The following SAMD4A variants were observed in gnomAD, a reference collection of about 807,000 sequenced individuals.
SAMD4A encodes sterile alpha motif domain containing 4A.
Under a neutral mutation model 81.3 loss-of-function variants are expected in SAMD4A, and 33 were observed. That is an observed-to-expected ratio of 0.41 (90% confidence interval 0.31 to 0.54). The LOEUF is 0.54. Among genes scored for constraint, SAMD4A ranks in the 20% least tolerant of loss-of-function variants. SAMD4A has a pLI of 0.37. For synonymous variants in SAMD4A, 389 were observed against 382.1 expected, an observed-to-expected ratio of 1.02 and a Z score of -0.21; for missense variants, 854 against 951.1, an observed-to-expected ratio of 0.90 and a Z score of 1.34.
At chr14:54,615,459 C>T (rs2034467409) in intron 2 of SAMD4A, among the ~76,000 whole-genome samples, 1 of 152,204 alleles carries the variant, frequency 6.6e-6, no homozygotes, top group Admixed American at 6.5e-5. Flanking sequence ...CAAGTTGCAA[C>T]TCTGAATTAT....
At chr14:54,705,459 G>A (rs1005596303) in intron 3 of SAMD4A, among the ~76,000 whole-genome samples, 13 of 152,156 alleles carry the variant, frequency 8.5e-5, no homozygotes, top group Admixed American at 3.9e-4. Flanking sequence ...AACAATCTGC[G>A]TAAGACAATA....
chr14:54,675,034 T>C (rs2035960570), intron 2 of SAMD4A, among the ~76,000 whole-genome samples: 10 of 152,148 alleles, frequency 6.6e-5, no homozygotes, highest in Admixed American at 4.6e-4. Flanking sequence ...ATTACAGGTG[T>C]GAGCCACTGT....
intron 2 of SAMD4A, among the ~76,000 whole-genome samples, chr14:54,680,064 G>C (rs2036093856): frequency 6.6e-6 from 1 of 152,144 alleles, no homozygotes; most frequent in Non-Finnish European, 1.5e-5. Context: ...TCAGATCATG[G>C]GTGGCTCATG....
chr14:54,738,584 G>T (rs552214463), intron 4 of SAMD4A, among the ~76,000 whole-genome samples: 1 of 152,210 alleles, frequency 6.6e-6, no homozygotes, highest in Non-Finnish European at 1.5e-5. Context: ...GTACGAAGGG[G>T]ATGTATGTCC....
At chr14:54,682,274 C>T (rs192874946) in intron 2 of SAMD4A, among the ~76,000 whole-genome samples, 1 of 152,180 alleles carries the variant, frequency 6.6e-6, no homozygotes, top group Non-Finnish European at 1.5e-5. Flanking sequence ...AGTTCCATGT[C>T]GGCCTCCTGT....
chr14:54,761,386 C>T (rs181587983), intron 7 of SAMD4A, among the ~76,000 whole-genome samples: 14 of 152,272 alleles, frequency 9.2e-5, no homozygotes, highest in Middle Eastern at 3.4e-3. Context: ...TGGTTCTCTC[C>T]GCTGTGAGGT....
chr14:54,787,425 C>T (rs1032560479), intron 12 of SAMD4A, among the ~76,000 whole-genome samples: 5 of 152,212 alleles, frequency 3.3e-5, no homozygotes, highest in Non-Finnish European at 7.3e-5. Context: ...CAGCCTGGCT[C>T]CACCCACAAG....
intron 2 of SAMD4A, among the ~76,000 whole-genome samples, chr14:54,643,193 T>G (rs2035212563): frequency 6.6e-6 from 1 of 152,234 alleles, no homozygotes; most frequent in South Asian, 2.1e-4. Context: ...TCACTTCTCT[T>G]TAAAACATCT....
At chr14:54,643,983 T>C (rs1463745896) in intron 2 of SAMD4A, among the ~76,000 whole-genome samples, 2 of 152,162 alleles carry the variant, frequency 1.3e-5, no homozygotes, top group Non-Finnish European at 2.9e-5. Context: ...AGGGACTCGG[T>C]AGAACAAATG....
At position 54,691,404 on chromosome 14, in the gene SAMD4A, A is replaced by T. The variant is rs112991783; in HGVS notation, c.197-10658A>T. Among the ~76,000 whole-genome samples the T allele has an allele frequency of 1.7e-3, 253 of 152,172 alleles. 2 individuals are homozygous for T. Among genetic ancestry groups the T allele is most frequent in the African/African-American group, 5.8e-3 (241 of 41,498 alleles). The stretch of plus-strand genomic sequence containing the variant: ...CTGAGCCCTAGGTCTACTCAATTTC[A>T]TGGCAGGATACCCAGAAGGAGGGAA... On this transcript the variant is annotated intron_variant, in intron 2 of 12. Transcript: ENST00000554335.
chr14:54,591,140 C>T (rs1594703207), intron 2 of SAMD4A, among the ~76,000 whole-genome samples: 1 of 152,098 alleles, frequency 6.6e-6, no homozygotes, highest in Non-Finnish European at 1.5e-5. Flanking sequence ...GTACGTCGTG[C>T]GATACATGAG....
chr14:54,691,038 A>G (rs1444150804), intron 2 of SAMD4A, among the ~76,000 whole-genome samples: 2 of 152,132 alleles, frequency 1.3e-5, no homozygotes, highest in Non-Finnish European at 2.9e-5. Context: ...TCAGCAGTGC[A>G]GGGTGCTTAC....
At chr14:54,566,755 A>G (rs1012246914), upstream of SAMD4A, among the ~76,000 whole-genome samples, 30 of 151,740 alleles carry the variant, frequency 2.0e-4, no homozygotes, top group Admixed American at 8.5e-4. Flanking sequence ...ACACGCGCGC[A>G]CACACACACG....
At chr14:54,677,797 G>C (rs1221872659) in intron 2 of SAMD4A, among the ~76,000 whole-genome samples, 4 of 152,244 alleles carry the variant, frequency 2.6e-5, no homozygotes, top group Admixed American at 2.6e-4. Context: ...GAAGAAAGAG[G>C]AACATTCTCT....
intron 2 of SAMD4A, among the ~76,000 whole-genome samples, chr14:54,626,076 G>A (rs574545881): frequency 6.7e-4 from 95 of 141,854 alleles, no homozygotes; most frequent in African/African-American, 2.6e-3. Flanking sequence ...GCGCGCGCGC[G>A]AGTGCGCACA....
intron 2 of SAMD4A, among the ~76,000 whole-genome samples, chr14:54,639,131 C>T (rs1243498760): frequency 6.6e-6 from 1 of 152,184 alleles, no homozygotes; most frequent in Non-Finnish European, 1.5e-5. Flanking sequence ...TTTAATCCCT[C>T]CAAGCTTCTA....
At chr14:54,699,689 C>G (rs1244363595) in intron 2 of SAMD4A, among the ~76,000 whole-genome samples, 1 of 152,058 alleles carries the variant, frequency 6.6e-6, no homozygotes, top group East Asian at 1.9e-4. Flanking sequence ...TTTATTCTGT[C>G]TCTTCTTTAA....
At chr14:54,733,803 T>C (rs2037619483) in intron 3 of SAMD4A, among the ~76,000 whole-genome samples, 1 of 151,742 alleles carries the variant, frequency 6.6e-6, no homozygotes, top group Non-Finnish European at 1.5e-5. Context: ...AAGTCTGTAT[T>C]TACTACTCTT....
rs117261453 is a variant in SAMD4A, at chr14:54,680,543, G to T, written c.197-21519G>T. On this transcript the variant is annotated intron_variant, in intron 2 of 12. Coordinates refer to ENST00000554335, the MANE Select transcript of SAMD4A (RefSeq NM_015589.6). ...AATTAATGAAATTGAAGTTACTTAA[G>T]TTTGGCCGTATTTGTTAAATATCCT... 5.3e-3 allele frequency among the ~76,000 whole-genome samples: 810 copies of T among 152,282 alleles called. 3 individuals are homozygous for T. The highest frequency in any genetic ancestry group is 8.3e-3 in the Non-Finnish European group (565 of 68,020).
Sources: gnomAD v4.1 joint callset for allele counts (sites outside exome capture counted in the v4.1 genomes callset) on GRCh38, gnomAD v4.1.1 for gene constraint, MANE v1.5 for transcripts, NCBI Gene and HGNC (gene_info 2026-07-23, HGNC 2026-07-21) for gene names.